The following GSPT1 variants were observed in gnomAD, a reference collection of about 807,000 sequenced individuals.
GSPT1 encodes the protein G1 to S phase transition 1, also known as eukaryotic peptide chain release factor GTP-binding subunit ERF3A.
In GSPT1, 20 loss-of-function variants were observed where a neutral mutation model predicts 72.5. The ratio of observed to expected loss-of-function variants is 0.28; its 90% CI spans 0.19 to 0.40. The LOEUF (loss-of-function observed/expected upper bound fraction) is 0.40, where lower values mean the gene tolerates loss of function less well. GSPT1 is among the 10% of genes least tolerant of loss of function. The pLI is 1.00. For missense variants in GSPT1, 580 were observed against 811.9 expected, an observed-to-expected ratio of 0.71 and a Z score of 3.47; for synonymous variants, 334 against 293.5, an observed-to-expected ratio of 1.14 and a Z score of -1.41.
intron 10 of GSPT1, 129 bp downstream of exon 10, chr16:11,885,052 A>G (rs898459461): frequency 1.8e-6 from 1 of 550,990 alleles, no homozygotes; most frequent in Non-Finnish European, 3.3e-6. Flanking sequence ...TGGGGGACAG[A>G]GTGCAAGATT....
intron 6 of GSPT1, among the ~76,000 whole-genome samples, chr16:11,888,454 T>G (rs1305019539): frequency 7.6e-6 from 1 of 130,860 alleles, no homozygotes; most frequent in Non-Finnish European, 1.6e-5. Context: ...AGAGGGAGAC[T>G]CTGTCTCTCA....
chr16:11,885,443 T>C (rs765315246), intron 9 of GSPT1, among the ~76,000 whole-genome samples, 169 bp from the exon 10 acceptor site: 1 of 152,234 alleles, frequency 6.6e-6, no homozygotes, highest in South Asian at 2.1e-4. Context: ...AAAACTATTA[T>C]AAAACTGCTC....
At chr16:11,885,129 C>T (rs982289698) in intron 10 of GSPT1, 52 bp downstream of exon 10, 3 of 842,970 alleles carry the variant, frequency 3.6e-6, no homozygotes, top group Non-Finnish European at 6.1e-6. Context: ...ACAAAATGCA[C>T]AACAATGATT....
At chr16:11,908,860 G>C (rs2054522840) in intron 1 of GSPT1, 1 of 152,058 alleles carries the variant, frequency 6.6e-6, no homozygotes, top group Non-Finnish European at 1.5e-5. Flanking sequence ...TGAGGCAGGA[G>C]AATCGCTTGA....
At chr16:11,890,442 A>T (rs1398724401) in intron 6 of GSPT1, among the ~76,000 whole-genome samples, 6 of 152,130 alleles carry the variant, frequency 3.9e-5, no homozygotes, top group African/African-American at 7.2e-5. Context: ...AGCTTACCTC[A>T]TCATCTTCAC....
chr16:11,894,929 T>A, intron 5 of GSPT1, 25 bp downstream of exon 5: 1 of 1,458,704 alleles, frequency 6.9e-7, no homozygotes, highest in Non-Finnish European at 9.5e-7. Flanking sequence ...TTAACTCTGT[T>A]ATTTAACAAA....
intron 11 of GSPT1, chr16:11,881,673 TAGTAAAGGTCTCG>T (rs2054124671): frequency 6.9e-6 from 1 of 145,148 alleles, no homozygotes; most frequent in Admixed American, 7.1e-5. Flanking sequence ...TTTTTTTTTT[TAGTAAAGGTCTCG>T]TTCTGTTGCC....
intron 7 of GSPT1, 43 bp from the exon 8 acceptor site, chr16:11,886,974 C>A: frequency 6.7e-7 from 1 of 1,495,898 alleles, no homozygotes. Context: ...CGCCTTCAGG[C>A]ATACCCTTAT....
At chr16:11,910,673 A>C (rs2054546090) in intron 1 of GSPT1, among the ~76,000 whole-genome samples, 1 of 152,230 alleles carries the variant, frequency 6.6e-6, no homozygotes, top group Non-Finnish European at 1.5e-5. Flanking sequence ...AAGCAAATCA[A>C]GGCTTAAACT....
chr16:11,904,371 T>G (rs2054459555), intron 1 of GSPT1, among the ~76,000 whole-genome samples: 1 of 151,810 alleles, frequency 6.6e-6, no homozygotes, highest in African/African-American at 2.4e-5. Flanking sequence ...CCTGGGTAAT[T>G]TTTTGTATTT....
At chr16:11,874,773 A>G (rs1409120092) in intron 14 of GSPT1, among the ~76,000 whole-genome samples, 1 of 152,214 alleles carries the variant, frequency 6.6e-6, no homozygotes, top group Admixed American at 6.5e-5. Flanking sequence ...CTTTGTAGAT[A>G]CAAAGTAGTT....
chr16:11,896,491 G>A (rs2141301727), intron 4 of GSPT1, 67 bp downstream of exon 4: 2 of 848,372 alleles, frequency 2.4e-6, no homozygotes, highest in Non-Finnish European at 3.8e-6. Flanking sequence ...AACATCTCCA[G>A]GTAGCTAAAA....
intron 1 of GSPT1, among the ~76,000 whole-genome samples, chr16:11,903,747 T>C (rs554150949): frequency 6.6e-6 from 1 of 152,216 alleles, no homozygotes; most frequent in African/African-American, 2.4e-5. Context: ...CAACACAGTG[T>C]GAATGTACTA....
intron 2 of GSPT1, 49 bp from the exon 3 acceptor site, chr16:11,897,930 C>A: frequency 5.6e-6 from 8 of 1,431,536 alleles, no homozygotes; most frequent in South Asian, 2.4e-5. Flanking sequence ...CAGTATCTAG[C>A]TTTACACACC....
Position 11,872,780 on chromosome 16 carries a change from T to C in GSPT1, c.*339A>G. 4.7e-6 allele frequency: 1 copy of C among 211,642 alleles called. No individual in the cohort carries two copies. Among genetic ancestry groups the C allele is most frequent in the Non-Finnish European group, 9.4e-6 (1 of 106,770 alleles). 13.1% of individuals were successfully genotyped at this position (211,642 alleles called of 1,614,324 possible). ...CTGCCTGGGGGAAAAATACTAAATA[T>C]GCCTAAGGGGAAAATGAAAAATAAA... On this transcript the variant is annotated 3_prime_UTR_variant, in exon 15 of 15. Transcript: ENST00000434724.
chr16:11,887,905 C>T (rs973583864), intron 6 of GSPT1, among the ~76,000 whole-genome samples, 155 bp from the exon 7 acceptor site: 1 of 152,214 alleles, frequency 6.6e-6, no homozygotes, highest in Non-Finnish European at 1.5e-5. Flanking sequence ...TGGCTCACAT[C>T]TGTAATCTGA....
At chr16:11,899,536 G>T (rs1016321367) in intron 1 of GSPT1, among the ~76,000 whole-genome samples, 4 of 152,130 alleles carry the variant, frequency 2.6e-5, no homozygotes, top group African/African-American at 9.7e-5. Context: ...GAAAGGGAGA[G>T]TAAAAGGTCT....
chr16:11,896,610 C>A lies in GSPT1; in HGVS notation c.612G>T (p.Pro204=). Residue 204 remains proline (P), a synonymous_variant, in exon 4 of 15, where the codon CCG becomes CCT. Coordinates refer to ENST00000434724, the MANE Select transcript of GSPT1 (RefSeq NM_002094.4). The stretch of plus-strand genomic sequence containing the variant: ...CATGCTCTTTCTTAGGAGCACCTGG[C>A]GGTGCAACCACAGACTTAGGTTTTG... ...EIPKPKSVVA[P]PGAPKKEHVN... is the part of the protein sequence containing the mutation. The A allele has an allele frequency of 6.2e-7, 1 of 1,608,842 alleles. No individual in the cohort carries two copies. The highest frequency in any genetic ancestry group is 8.5e-7 in the Non-Finnish European group (1 of 1,177,252).
chr16:11,915,752 G>T lies in GSPT1; in HGVS notation c.-32C>A. 1 of 1,550,308 alleles carries T rather than the reference G, an allele frequency of 6.5e-7. No homozygotes were observed. ...GGGGGCCGTGTGTGTGGTGGACAGA[G>T]AGCGGGAAATGGAGGCAGGGGCGCC... On this transcript the variant is annotated 5_prime_UTR_variant, in exon 1 of 15. Coordinates refer to ENST00000434724, the MANE Select transcript of GSPT1 (RefSeq NM_002094.4).
Sources: gnomAD v4.1 joint callset for allele counts (sites outside exome capture counted in the v4.1 genomes callset) on GRCh38, gnomAD v4.1.1 for gene constraint, MANE v1.5 for transcripts, NCBI Gene and HGNC (gene_info 2026-07-23, HGNC 2026-07-21) for gene names.